AKR1C3: variants seen among roughly 807,000 people sequenced by gnomAD.
AKR1C3 encodes the protein 3-alpha hydroxysteroid dehydrogenase, type II.
AKR1C3 carries 48 observed loss-of-function variants against 43.6 expected under a neutral mutation model. That is an observed-to-expected ratio of 1.10 (90% CI 0.87 to 1.40). The LOEUF is 1.40. Among genes scored for constraint, AKR1C3 ranks in the 40% most tolerant of loss-of-function variants. The pLI is 0.00. For synonymous variants in AKR1C3, 162 were observed against 139.6 expected, an observed-to-expected ratio of 1.16 and a Z score of -1.13; for missense variants, 482 against 391.2, an observed-to-expected ratio of 1.23 and a Z score of -1.96.
intron 1 of AKR1C3, among the ~76,000 whole-genome samples, chr10:5,071,572 G>A (rs1838613191): frequency 1.3e-5 from 2 of 152,226 alleles, no homozygotes; most frequent in South Asian, 2.1e-4. Context: ...AATAGGCCTC[G>A]CCTTGGTCTG....
chr10:5,071,485 G>A (rs1838611571), intron 1 of AKR1C3, among the ~76,000 whole-genome samples: 1 of 152,122 alleles, frequency 6.6e-6, no homozygotes, highest in African/African-American at 2.4e-5. Context: ...GGTGACTAAG[G>A]CACAGACCAC....
At chr10:5,106,784 C>T (rs587721379) in intron 8 of AKR1C3, among the ~76,000 whole-genome samples, 1 of 151,268 alleles carries the variant, frequency 6.6e-6, no homozygotes, top group African/African-American at 2.4e-5. Context: ...TATGTAACTG[C>T]TGGCAGTGGA....
chr10:5,092,907 T>C (rs1221759386), upstream of AKR1C3, among the ~76,000 whole-genome samples: 1 of 152,088 alleles, frequency 6.6e-6, no homozygotes, highest in East Asian at 1.9e-4. Context: ...ATAGACATTT[T>C]TCTAACTCTA....
At chr10:5,078,507 G>A (rs1439088973) in intron 1 of AKR1C3, among the ~76,000 whole-genome samples, 3 of 152,114 alleles carry the variant, frequency 2.0e-5, no homozygotes, top group African/African-American at 7.2e-5. Context: ...TTTTCTCAGG[G>A]TAAACTGCCA....
chr10:5,057,012 G>A (rs782173508), intron 1 of AKR1C3, among the ~76,000 whole-genome samples: 3 of 152,242 alleles, frequency 2.0e-5, no homozygotes, highest in South Asian at 2.1e-4. Flanking sequence ...AAACATACCC[G>A]GGGCTCAGTG....
chr10:5,086,267 T>C (rs1194424080), intron 1 of AKR1C3, among the ~76,000 whole-genome samples: 4 of 151,660 alleles, frequency 2.6e-5, no homozygotes, highest in African/African-American at 7.3e-5. Flanking sequence ...GAGATTCTGG[T>C]ATGTTGTGTC....
At chr10:5,099,581 C>T (rs1839298486) in intron 5 of AKR1C3, 132 bp downstream of exon 5, 3 of 1,474,404 alleles carry the variant, frequency 2.0e-6, no homozygotes, top group Non-Finnish European at 2.7e-6. Context: ...AAGCTTCTGT[C>T]AAGAAAGGCG....
Position 5,055,712 on chromosome 10 carries a change from T to A in AKR1C3, c.84+6817T>A, listed in dbSNP as rs536425267. ...GAGAAGTTTTGTCCTGTGGGAAGGC[T>A]TAAAGATGGAGCTTGTACTAGGGCC... is the stretch of plus-strand genomic sequence containing the variant. On this transcript the variant is annotated intron_variant, in intron 1 of 8. Transcript: ENST00000439082. Among the ~76,000 whole-genome samples the A allele has an allele frequency of 2.6e-5, 4 of 152,284 alleles. No individual in the cohort carries two copies. The South Asian group carries it at 8.3e-4, about 32-fold the overall frequency.
chr10:5,081,077 G>T (rs10795243), intron 1 of AKR1C3, among the ~76,000 whole-genome samples: 1 of 151,874 alleles, frequency 6.6e-6, no homozygotes, highest in African/African-American at 2.4e-5. Flanking sequence ...CCTTAAAGTG[G>T]GTATTTACAC....
chr10:5,055,087 C>T (rs532268546), intron 1 of AKR1C3, among the ~76,000 whole-genome samples: 22 of 152,326 alleles, frequency 1.4e-4, no homozygotes, highest in African/African-American at 4.6e-4. Context: ...AGTTCTAGGG[C>T]TTGGGTAAGT....
chr10:5,107,104 T>A (rs1242878241), intron 8 of AKR1C3, among the ~76,000 whole-genome samples: 2 of 152,150 alleles, frequency 1.3e-5, no homozygotes, highest in Non-Finnish European at 2.9e-5. Context: ...CAATTTACAT[T>A]TCTGAATCTT....
chr10:5,103,747 G>A (rs1019819080), intron 7 of AKR1C3, among the ~76,000 whole-genome samples: 1 of 152,092 alleles, frequency 6.6e-6, no homozygotes, highest in Non-Finnish European at 1.5e-5. Context: ...CATTGCTTCT[G>A]GCAAATATTA....
intron 1 of AKR1C3, among the ~76,000 whole-genome samples, chr10:5,073,382 C>G (rs142014886): frequency 1.2e-4 from 18 of 152,292 alleles, no homozygotes; most frequent in African/African-American, 4.1e-4. Context: ...ACAGACTTGA[C>G]AGTTGTCCCA....
At chr10:5,053,278 G>A (rs370434457) in intron 1 of AKR1C3, among the ~76,000 whole-genome samples, 10 of 152,358 alleles carry the variant, frequency 6.6e-5, no homozygotes, top group South Asian at 4.1e-4. Context: ...TGCAGGTCCC[G>A]AGCCCTGCCC....
intron 1 of AKR1C3, among the ~76,000 whole-genome samples, chr10:5,079,662 G>A (rs1554782157): frequency 6.6e-6 from 1 of 152,010 alleles, no homozygotes; most frequent in Non-Finnish European, 1.5e-5. Context: ...TCTGTGTGGG[G>A]ACAGCCTTGG....
At chr10:5,103,083 A>G (rs12775924) in intron 7 of AKR1C3, among the ~76,000 whole-genome samples, 39,514 of 151,508 alleles carry the variant, frequency 0.26, 5,358 homozygotes, top group Middle Eastern at 0.37. Flanking sequence ...TAGAGAAGGT[A>G]TTTCACCATG....
At chr10:5,064,759 T>A (rs1838459906) in intron 1 of AKR1C3, among the ~76,000 whole-genome samples, 1 of 152,156 alleles carries the variant, frequency 6.6e-6, no homozygotes, top group South Asian at 2.1e-4. Context: ...GACATACTTG[T>A]GGCAAACATA....
chr10:5,087,376 CTTTCTT>C (rs556962430), intron 1 of AKR1C3, among the ~76,000 whole-genome samples: 4,334 of 45,316 alleles, frequency 0.096, 261 homozygotes, highest in African/African-American at 0.32. Flanking sequence ...TTTATCATTT[CTTTCTT>C]TTTTTTTTTT....
chr10:5,107,101 C>A (rs994832868), intron 8 of AKR1C3, among the ~76,000 whole-genome samples: 2 of 152,120 alleles, frequency 1.3e-5, no homozygotes, highest in Admixed American at 1.3e-4. Context: ...TAACAATTTA[C>A]ATTTCTGAAT....
Sources: gnomAD v4.1 joint callset for allele counts (sites outside exome capture counted in the v4.1 genomes callset) on GRCh38, gnomAD v4.1.1 for gene constraint, MANE v1.5 for transcripts, NCBI Gene and HGNC (gene_info 2026-07-23, HGNC 2026-07-21) for gene names.